ANKRD12: variants seen among roughly 807,000 people sequenced by gnomAD.
ANKRD12 encodes ankyrin repeat domain-containing protein 12.
ANKRD12 carries 85 observed loss-of-function variants against 183.4 expected under a neutral mutation model. That is an observed-to-expected ratio of 0.46 (90% CI 0.39 to 0.56). ANKRD12 has a LOEUF of 0.56. ANKRD12 is among the 20% of genes least tolerant of loss of function. ANKRD12 has a pLI of 0.00. For missense variants in ANKRD12, 2,405 were observed against 2,357.1 expected (o/e 1.02, Z -0.42); for synonymous variants, 914 against 800.2 (o/e 1.14, Z -2.40).
chr18:9,251,331 G>T (rs1347935953), intron 8 of ANKRD12, among the ~76,000 whole-genome samples: 1 of 152,182 alleles, frequency 6.6e-6, no homozygotes, highest in Non-Finnish European at 1.5e-5. Context: ...TGGTTCAGGG[G>T]AACAGTTAAG....
At chr18:9,234,047 C>T (rs2037203467) in intron 8 of ANKRD12, among the ~76,000 whole-genome samples, 1 of 135,252 alleles carries the variant, frequency 7.4e-6, no homozygotes, top group Admixed American at 7.9e-5. Flanking sequence ...GGCTGTGGTG[C>T]AGGGTTACCA....
intron 11 of ANKRD12, among the ~76,000 whole-genome samples, chr18:9,277,425 T>A (rs1044694451): frequency 6.6e-6 from 1 of 150,986 alleles, no homozygotes; most frequent in Non-Finnish European, 1.5e-5. Context: ...CCTCCCTGGT[T>A]CATGCCATTC....
intron 6 of ANKRD12, among the ~76,000 whole-genome samples, chr18:9,213,205 A>G (rs1474804870): frequency 6.6e-6 from 1 of 151,942 alleles, no homozygotes; most frequent in East Asian, 1.9e-4. Flanking sequence ...TTTTACATGT[A>G]GCCCTATTAT....
chr18:9,183,362 C>T (rs898494055), intron 2 of ANKRD12, among the ~76,000 whole-genome samples: 12 of 151,998 alleles, frequency 7.9e-5, no homozygotes, highest in Admixed American at 1.3e-4. Context: ...TTAATATTGT[C>T]TTCCAATCCA....
Position 9,200,183 on chromosome 18 carries a change from T to C in ANKRD12, c.236-4293T>C, listed in dbSNP as rs573490531. 3.3e-5 allele frequency among the ~76,000 whole-genome samples: 5 copies of C among 152,304 alleles called. No individual in the cohort carries two copies. The South Asian group carries it at 1.0e-3, about 32-fold the overall frequency. On this transcript the variant is annotated intron_variant, in intron 3 of 12. Transcript: ENST00000262126. ...AATTTTTTTAAAAAAGAAAACACTTTCTAGAAAAGTAATTGCTTGGCTAGA... is the reference window on the plus strand; with the variant it reads ...AATTTTTTTAAAAAAGAAAACACTTCCTAGAAAAGTAATTGCTTGGCTAGA...
chr18:9,244,392 C>CCAG (rs2037835624), intron 8 of ANKRD12, among the ~76,000 whole-genome samples: 1 of 151,788 alleles, frequency 6.6e-6, no homozygotes, highest in Admixed American at 6.6e-5. Context: ...GCTATATTGC[C>CCAG]CAGGCTGGTC....
At chr18:9,146,917 C>T (rs2078511651) in intron 1 of ANKRD12, among the ~76,000 whole-genome samples, 1 of 152,200 alleles carries the variant, frequency 6.6e-6, no homozygotes, top group Non-Finnish European at 1.5e-5. Flanking sequence ...CTAAACAATT[C>T]AGTCCTGGTA....
chr18:9,145,484 T>G (rs189760108), intron 1 of ANKRD12, among the ~76,000 whole-genome samples: 152 of 152,360 alleles, frequency 1.0e-3, no homozygotes, highest in Non-Finnish European at 1.8e-3. Flanking sequence ...GAGGATAGTA[T>G]TATTCCTTAA....
At chr18:9,137,178 G>GT (rs1008712796) in intron 1 of ANKRD12, 22 of 151,054 alleles carry the variant, frequency 1.5e-4, no homozygotes, top group Admixed American at 5.3e-4. Context: ...TCGCCTGACA[G>GT]TGACAGGCCG....
rs1255389095 is a variant in ANKRD12, at chr18:9,285,472, TGTTTACAA to T, written c.*4352_*4359del. 3 of 150,730 alleles carry T rather than the reference TGTTTACAA, an allele frequency of 2.0e-5. No homozygotes were observed. Among genetic ancestry groups the T allele is most frequent in the Non-Finnish European group, 1.5e-5 (1 of 67,722 alleles). 9.3% of individuals were successfully genotyped at this position (150,730 alleles called of 1,614,324 possible). A position where few individuals can be genotyped will look rare whatever the true frequency, so the allele number is the denominator to read the frequency against. Reference sequence around the variant, plus strand: ...AAAAGTATATCACATATGTAGCATGTGTTTACAAGTTTAAAAGGCACCACCTATGCACT... The same window carrying T: ...AAAAGTATATCACATATGTAGCATGTGTTTAAAAGGCACCACCTATGCACT... On this transcript the variant is annotated 3_prime_UTR_variant, in exon 13 of 13. Transcript: ENST00000262126.
At chr18:9,137,406 G>A (rs545108124) in intron 1 of ANKRD12, among the ~76,000 whole-genome samples, 1 of 146,434 alleles carries the variant, frequency 6.8e-6, no homozygotes, top group Non-Finnish European at 1.5e-5. Context: ...AACATGGCGG[G>A]GCCGGAGGAG....
chr18:9,164,057 A>G (rs1289962123), intron 1 of ANKRD12, among the ~76,000 whole-genome samples: 1 of 151,998 alleles, frequency 6.6e-6, no homozygotes, highest in Non-Finnish European at 1.5e-5. Context: ...AGAACTTCCA[A>G]TACTGTGAGA....
At chr18:9,222,468 CTT>C (rs959278288) in intron 8 of ANKRD12, among the ~76,000 whole-genome samples, 7 of 135,174 alleles carry the variant, frequency 5.2e-5, no homozygotes, top group Admixed American at 7.4e-5. Context: ...CAATTTCTTT[CTT>C]TTTTTTTTTT....
At chr18:9,242,171 C>G (rs1197519244) in intron 8 of ANKRD12, among the ~76,000 whole-genome samples, 1 of 152,064 alleles carries the variant, frequency 6.6e-6, no homozygotes, top group Non-Finnish European at 1.5e-5. Context: ...TATTAAGTAT[C>G]TTTCTTTGAA....
At chr18:9,251,584 G>A (rs1301644575) in intron 8 of ANKRD12, among the ~76,000 whole-genome samples, 5 of 151,976 alleles carry the variant, frequency 3.3e-5, no homozygotes, top group African/African-American at 7.2e-5. Flanking sequence ...ACCTGAGGTC[G>A]GGAGTTCGAG....
At chr18:9,238,156 G>A (rs1157505505) in intron 8 of ANKRD12, among the ~76,000 whole-genome samples, 6 of 152,016 alleles carry the variant, frequency 3.9e-5, no homozygotes, top group Admixed American at 1.3e-4. Flanking sequence ...CTTGGCTTTC[G>A]TCCAGCTCCC....
intron 2 of ANKRD12, among the ~76,000 whole-genome samples, chr18:9,194,276 A>T (rs1431097288): frequency 2.6e-5 from 4 of 152,128 alleles, no homozygotes; most frequent in Non-Finnish European, 4.4e-5. Flanking sequence ...TTTCTAGGTG[A>T]TGCTGATACT....
intron 2 of ANKRD12, among the ~76,000 whole-genome samples, chr18:9,190,231 C>T (rs536270099): frequency 2.0e-5 from 3 of 152,094 alleles, no homozygotes; most frequent in Non-Finnish European, 4.4e-5. Context: ...TCAAGTGGAG[C>T]CTGAAGATGT....
At chr18:9,141,001 T>G (rs1054018335) in intron 1 of ANKRD12, among the ~76,000 whole-genome samples, 6 of 152,214 alleles carry the variant, frequency 3.9e-5, no homozygotes, top group African/African-American at 1.2e-4. Context: ...GATTTCATTA[T>G]CCTGTTTTAT....
Sources: gnomAD v4.1 joint callset for allele counts (sites outside exome capture counted in the v4.1 genomes callset) on GRCh38, gnomAD v4.1.1 for gene constraint, MANE v1.5 for transcripts, NCBI Gene and HGNC (gene_info 2026-07-23, HGNC 2026-07-21) for gene names.